The following PANK4 variants were observed in gnomAD, a reference collection of about 807,000 sequenced individuals.
PANK4 encodes 4'-phosphopantetheine phosphatase.
PANK4 carries 40 observed loss-of-function variants against 87.9 expected under a neutral mutation model. The ratio of observed to expected loss-of-function variants is 0.46; its 90% CI spans 0.35 to 0.59. The LOEUF (loss-of-function observed/expected upper bound fraction) is 0.59, where lower values mean the gene tolerates loss of function less well. Ranked by LOEUF, PANK4 falls within the 20% of genes least tolerant of loss-of-function variation. The probability of loss-of-function intolerance (pLI) is 0.00; values close to 1 mark genes in which losing one functional copy is unlikely to be tolerated. For synonymous variants in PANK4, 524 were observed against 467.4 expected, an observed-to-expected ratio of 1.12 and a Z score of -1.56; for missense variants, 926 against 1,072.3, an observed-to-expected ratio of 0.86 and a Z score of 1.90.
rs577558662 is a variant in PANK4, at chr1:2,515,324, G to C, written c.1374+238C>G. ...AATGTGCTAGCTAGCAGAACTATCAGCTGCCCTTAGAAGCAACGTGCCTCG... is the reference window on the plus strand; with the variant it reads ...AATGTGCTAGCTAGCAGAACTATCACCTGCCCTTAGAAGCAACGTGCCTCG... On this transcript the variant is annotated intron_variant, in intron 10 of 18. Transcript: ENST00000378466. This position sits in a 1 kb window ranked among gnomAD's most constrained non-coding sequence, Gnocchi z 5.0. The C allele has an allele frequency of 7.2e-6, 5 of 693,650 alleles. No homozygotes were observed. The highest frequency in any genetic ancestry group is 1.3e-5 in the Non-Finnish European group (5 of 379,796). The allele number at this position is 693,650 out of a possible 1,614,324, so 43.0% of individuals were successfully genotyped here. A position where few individuals can be genotyped will look rare whatever the true frequency, so the allele number is the denominator to read the frequency against.
rs376358411 is a variant in PANK4, at chr1:2,511,300, T to G, written c.1833+38A>C. The G allele has an allele frequency of 9.3e-6, 14 of 1,502,256 alleles. No homozygotes were observed. In the African/African-American group the frequency reaches 1.4e-4, roughly 15 times the overall value. The allele number at this position is 1,502,256 out of a possible 1,614,324, so 93.1% of individuals were successfully genotyped here. The stretch of plus-strand genomic sequence containing the variant: ...GTGACCACCCCCCCGGGCCCCGCTG[T>G]GTCCCCAGCAGCAGAGGTGGGAGGC... On this transcript the variant is annotated intron_variant, in intron 15 of 18. Transcript: ENST00000378466.
rs1643761043 is a variant in PANK4 at position 2,515,814 on chromosome 1, T to C, written c.1219-97A>G. On this transcript the variant is annotated intron_variant, in intron 9 of 18. Transcript: ENST00000378466. This position sits in a 1 kb window ranked among gnomAD's most constrained non-coding sequence, Gnocchi z 5.0. Reference sequence around the variant, plus strand: ...TCCACTCTCTCTCTAAGAAGGGAGATGTACTGCCTTCTTCCGCCACGTCTC... The same window carrying C: ...TCCACTCTCTCTCTAAGAAGGGAGACGTACTGCCTTCTTCCGCCACGTCTC... The C allele has an allele frequency of 3.4e-6, 4 of 1,185,154 alleles. No homozygotes were observed. Among genetic ancestry groups the C allele is most frequent in the Admixed American group, 4.3e-5 (2 of 46,634 alleles). 73.4% of individuals were successfully genotyped at this position (1,185,154 alleles called of 1,614,324 possible).
rs375430738 is a variant in PANK4 at position 2,510,061 on chromosome 1, C to A, written c.2035G>T (p.Val679Leu). 6.3e-5 allele frequency: 101 copies of A among 1,607,814 alleles called. No homozygotes were observed. Among genetic ancestry groups the A allele is most frequent in the Admixed American group, 3.4e-5 (2 of 59,672 alleles). ...AERIAGMDPV[V>L]HSALQEERLL... ...GCACTGCCCGCCAACACTCACTGCA[C>A]GACAGGGTCCATGCCCGCAATACGC... The change falls in exon 17 of 19, where the codon GTG becomes TTG. Residue 679 changes from valine to leucine, a missense_variant. By Grantham distance (32) the Val-to-Leu change is conservative (BLOSUM62 1). Transcript: ENST00000378466. The surrounding 1 kb of genome is among the most constrained non-coding windows in gnomAD (Gnocchi z 4.9).
chr1:2,508,608 CT>C lies in PANK4; in HGVS notation c.*238del, dbSNP rs1643605965. On this transcript the variant is annotated 3_prime_UTR_variant, in exon 19 of 19. Transcript: ENST00000378466. The surrounding 1 kb of genome is among the most constrained non-coding windows in gnomAD (Gnocchi z 5.1). ...GTCAGACATACCTGTATAGATCTCTCTATTTATATATATATATATATAAAAG... is the reference window on the plus strand; with the variant it reads ...GTCAGACATACCTGTATAGATCTCTCATTTATATATATATATATATAAAAG... The C allele has an allele frequency of 4.5e-6, 1 of 223,596 alleles. No individual in the cohort carries two copies. The highest frequency in any genetic ancestry group is 3.1e-5 in the African/African-American group (1 of 32,706). The allele number at this position is 223,596 out of a possible 1,614,324, so 13.9% of individuals were successfully genotyped here.
In PANK4 at chr1:2,519,016, T is replaced by G. The variant is rs906706787; in HGVS notation, c.1035+127A>C. On this transcript the variant is annotated intron_variant, in intron 7 of 18. Transcript: ENST00000378466. This position sits in a 1 kb window ranked among gnomAD's most constrained non-coding sequence, Gnocchi z 8.3. The stretch of plus-strand genomic sequence containing the variant: ...CCCAGAATCAGTCAGAAGGGAGGGG[T>G]GCTGGGCTTCTTGGCCCCCACCCTC... The G allele has an allele frequency of 1.2e-6, 1 of 842,200 alleles. No individual in the cohort carries two copies. The highest frequency in any genetic ancestry group is 1.9e-6 in the Non-Finnish European group (1 of 531,100). 52.2% of individuals were successfully genotyped at this position (842,200 alleles called of 1,614,324 possible).
intron 15 of PANK4, among the ~76,000 whole-genome samples, chr1:2,511,110 G>C (rs1241244143): frequency 6.6e-6 from 1 of 152,236 alleles, no homozygotes; most frequent in African/African-American, 2.4e-5. Flanking sequence ...GCCAGTGCCT[G>C]TCTCTTCTGG....
At chr1:2,517,084 C>T (rs1333471189) in intron 9 of PANK4, among the ~76,000 whole-genome samples, 6 of 152,206 alleles carry the variant, frequency 3.9e-5, no homozygotes, top group Non-Finnish European at 8.8e-5. Context: ...AAATTATGCA[C>T]ACTTGGCAAA....
chr1:2,521,525 A>T (rs1218196803), intron 2 of PANK4, 193 bp downstream of exon 2: 4 of 690,232 alleles, frequency 5.8e-6, no homozygotes, highest in Non-Finnish European at 1.0e-5. Context: ...GGGGGAGCAC[A>T]GGCGGGCGCA....
chr1:2,516,499 C>A (rs541955194), intron 9 of PANK4, among the ~76,000 whole-genome samples: 193 of 152,324 alleles, frequency 1.3e-3, no homozygotes, highest in Non-Finnish European at 2.4e-3. Flanking sequence ...TGCTCTGGGA[C>A]CAGAGGGGCT....
intron 12 of PANK4, 53 bp downstream of exon 12, chr1:2,513,949 G>A (rs1354013705): frequency 1.1e-5 from 15 of 1,305,414 alleles, no homozygotes; most frequent in Non-Finnish European, 1.6e-5. Flanking sequence ...GACACGCGGT[G>A]CCAGCGGGAC....
In PANK4 at chr1:2,508,589, C is replaced by T. The variant is rs1643605173; in HGVS notation, c.*258G>A. The T allele has an allele frequency of 4.8e-6, 1 of 206,662 alleles. No individual in the cohort carries two copies. Among genetic ancestry groups the T allele is most frequent in the Non-Finnish European group, 9.1e-6 (1 of 109,412 alleles). The allele number at this position is 206,662 out of a possible 1,614,324, so 12.8% of individuals were successfully genotyped here. A position where few individuals can be genotyped will look rare whatever the true frequency, so the allele number is the denominator to read the frequency against. On this transcript the variant is annotated 3_prime_UTR_variant, in exon 19 of 19. Transcript: ENST00000378466. The surrounding 1 kb of genome is among the most constrained non-coding windows in gnomAD (Gnocchi z 5.1). ...GCCCACGGTGCTGCGTCCCGTCAGACATACCTGTATAGATCTCTCTATTTA... is the reference window on the plus strand; with the variant it reads ...GCCCACGGTGCTGCGTCCCGTCAGATATACCTGTATAGATCTCTCTATTTA...
Position 2,515,999 on chromosome 1 carries a change from A to G in PANK4, c.1219-282T>C. ...CCGCTGCAGCCACACCTCCCCAATCACCGCTGCAGTCACCCTCCCATCACC... is the reference window on the plus strand; with the variant it reads ...CCGCTGCAGCCACACCTCCCCAATCGCCGCTGCAGTCACCCTCCCATCACC... On this transcript the variant is annotated intron_variant, in intron 9 of 18. Transcript: ENST00000378466. This position sits in a 1 kb window ranked among gnomAD's most constrained non-coding sequence, Gnocchi z 5.0. The G allele has an allele frequency of 2.0e-6, 1 of 503,612 alleles. No individual in the cohort carries two copies. Among genetic ancestry groups the G allele is most frequent in the South Asian group, 2.3e-5 (1 of 43,652 alleles). The allele number at this position is 503,612 out of a possible 1,614,324, so 31.2% of individuals were successfully genotyped here.
In PANK4 at chr1:2,510,471, A is replaced by G; in HGVS notation, c.1938+207T>C. ...CCTGGCGTCAACCCTGGGCTTCAGC[A>G]CATGGACCCTCAGCCTGAGCCCAGG... On this transcript the variant is annotated intron_variant, in intron 16 of 18. Coordinates refer to ENST00000378466, the MANE Select transcript of PANK4 (RefSeq NM_018216.4). The surrounding 1 kb of genome is among the most constrained non-coding windows in gnomAD (Gnocchi z 4.9). 1 of 601,832 alleles carries G rather than the reference A, an allele frequency of 1.7e-6. No homozygotes were observed. Among genetic ancestry groups the G allele is most frequent in the East Asian group, 2.8e-5 (1 of 36,214 alleles). 37.3% of individuals were successfully genotyped at this position (601,832 alleles called of 1,614,324 possible).
Position 2,515,778 on chromosome 1 carries a change from A to G in PANK4, c.1219-61T>C, listed in dbSNP as rs915094790. ...CATGGTTCAGAACGACCCAAGCCAC[A>G]CTCAGAAGCTTCCACTCTCTCTCTA... On this transcript the variant is annotated intron_variant, in intron 9 of 18. Transcript: ENST00000378466. This position sits in a 1 kb window ranked among gnomAD's most constrained non-coding sequence, Gnocchi z 5.0. 1 of 1,479,958 alleles carries G rather than the reference A, an allele frequency of 6.8e-7. No homozygotes were observed. Among genetic ancestry groups the G allele is most frequent in the Non-Finnish European group, 9.3e-7 (1 of 1,074,066 alleles). 91.7% of individuals were successfully genotyped at this position (1,479,958 alleles called of 1,614,324 possible).
rs752039008 is a variant in PANK4, at chr1:2,515,074, C to T, written c.1374+488G>A. 2.0e-5 allele frequency among the ~76,000 whole-genome samples: 3 copies of T among 152,294 alleles called. No homozygotes were observed. The highest frequency in any genetic ancestry group is 4.4e-5 in the Non-Finnish European group (3 of 68,008). On this transcript the variant is annotated intron_variant, in intron 10 of 18. Coordinates refer to ENST00000378466, the MANE Select transcript of PANK4 (RefSeq NM_018216.4). The surrounding 1 kb of genome is among the most constrained non-coding windows in gnomAD (Gnocchi z 5.0). ...TGTTGCTACCGGGGCTCCCTGGCCC[C>T]GAGCTGAGCTCCTGAGGGGCAGCGT...
At position 2,515,662 on chromosome 1, in the gene PANK4, A is replaced by AG; in HGVS notation, c.1273dup (p.Leu425ProfsTer17). ...GGGCACGTAGGAGGGCGGGTCCAGG[A>AG]GGAGCGGCAGGTCAACCAGTGGCCT... On this transcript the variant is annotated frameshift_variant, in exon 10 of 19. Coordinates refer to ENST00000378466, the MANE Select transcript of PANK4 (RefSeq NM_018216.4). LOFTEE classifies it high-confidence loss of function. This position sits in a 1 kb window ranked among gnomAD's most constrained non-coding sequence, Gnocchi z 5.0. The AG allele has an allele frequency of 6.2e-7, 1 of 1,612,842 alleles. No homozygotes were observed. The highest frequency in any genetic ancestry group is 8.5e-7 in the Non-Finnish European group (1 of 1,179,888).
In PANK4 at chr1:2,509,704, C is replaced by T; in HGVS notation, c.2108+158G>A. 1.5e-6 allele frequency: 1 copy of T among 662,386 alleles called. No homozygotes were observed. The highest frequency in any genetic ancestry group is 2.7e-6 in the Non-Finnish European group (1 of 368,816). 41.0% of individuals were successfully genotyped at this position (662,386 alleles called of 1,614,324 possible). On this transcript the variant is annotated intron_variant, in intron 18 of 18. Transcript: ENST00000378466. The surrounding 1 kb of genome is among the most constrained non-coding windows in gnomAD (Gnocchi z 4.9). ...CTCCCCAGGCCACCTTCGGGGATGGCATATCTGTCCCCTCCTGAGATCAAT... is the reference window on the plus strand; with the variant it reads ...CTCCCCAGGCCACCTTCGGGGATGGTATATCTGTCCCCTCCTGAGATCAAT...
chr1:2,518,464 A>G, intron 8 of PANK4, 52 bp downstream of exon 8: 1 of 1,464,496 alleles, frequency 6.8e-7, no homozygotes, highest in Non-Finnish European at 9.4e-7. Flanking sequence ...GCACAGGCCC[A>G]GGCCACAGCT....
chr1:2,523,590 G>A (rs1051349398), intron 1 of PANK4, among the ~76,000 whole-genome samples: 1 of 152,126 alleles, frequency 6.6e-6, no homozygotes, highest in East Asian at 1.9e-4. Flanking sequence ...TGGGACAGAG[G>A]TGGGGGTGGG....
Sources: allele counts gnomAD v4.1 joint callset (sites outside exome capture counted in the v4.1 genomes callset), GRCh38; gene constraint gnomAD v4.1.1; non-coding constraint Gnocchi (gnomAD v3.1); transcripts MANE v1.5; gene names NCBI Gene and HGNC (gene_info 2026-07-23, HGNC 2026-07-21).